TLE4: variants seen among roughly 807,000 people sequenced by gnomAD.
TLE4 encodes the protein transducin-like enhancer protein 4.
A neutral mutation model predicts 92.8 loss-of-function variants in TLE4; 8 were observed. The observed-to-expected ratio is 0.09, with a 90% CI of 0.05 to 0.16. TLE4 has a LOEUF of 0.16. Ranked by LOEUF, TLE4 falls within the 10% of genes least tolerant of loss-of-function variation. The pLI, the probability that TLE4 is intolerant of heterozygous loss-of-function variation, is 1.00. For missense variants in TLE4, 675 were observed against 997.6 expected (o/e 0.68, Z 4.36); for synonymous variants, 371 against 374.1 (o/e 0.99, Z 0.10).
chr9:79,590,754 AT>A (rs1188790067), intron 4 of TLE4, among the ~76,000 whole-genome samples: 1 of 152,090 alleles, frequency 6.6e-6, no homozygotes, highest in Non-Finnish European at 1.5e-5. Context: ...AAGATACTTG[AT>A]TTTACATTTT....
At chr9:79,573,122 A>AGGGG in intron 1 of TLE4, 1 of 620,598 alleles carries the variant, frequency 1.6e-6, no homozygotes, top group African/African-American at 1.9e-5. Context: ...CGACTCCTCG[A>AGGGG]GGGGGGGTGG....
chr9:79,655,034 C>G (rs141183889), intron 8 of TLE4, among the ~76,000 whole-genome samples: 109 of 152,256 alleles, frequency 7.2e-4, no homozygotes, highest in African/African-American at 2.5e-3. Context: ...CCCAGCTACT[C>G]AGGAGTCTGA....
At chr9:79,669,043 C>T (rs568800212) in intron 8 of TLE4, among the ~76,000 whole-genome samples, 20 of 152,260 alleles carry the variant, frequency 1.3e-4, no homozygotes, top group African/African-American at 4.8e-4. Context: ...CTTCCCCAGG[C>T]TTCATTTGTG....
intron 6 of TLE4, among the ~76,000 whole-genome samples, chr9:79,636,095 A>G (rs2055728773): frequency 6.6e-6 from 1 of 151,950 alleles, no homozygotes; most frequent in Admixed American, 6.6e-5. Flanking sequence ...CATTCTACAC[A>G]CAGCAGCCAG....
intron 5 of TLE4, among the ~76,000 whole-genome samples, chr9:79,616,187 G>A (rs986397880): frequency 7.2e-5 from 11 of 152,170 alleles, no homozygotes; most frequent in African/African-American, 2.7e-4. Flanking sequence ...CCATAAACAA[G>A]AGATGCCAGG....
At chr9:79,665,245 A>G (rs2061205321) in intron 8 of TLE4, among the ~76,000 whole-genome samples, 1 of 152,210 alleles carries the variant, frequency 6.6e-6, no homozygotes, top group African/African-American at 2.4e-5. Flanking sequence ...GTTGGTATTG[A>G]CAGATGAACT....
At chr9:79,577,478 A>C (rs1236464145) in intron 4 of TLE4, among the ~76,000 whole-genome samples, 2 of 152,236 alleles carry the variant, frequency 1.3e-5, no homozygotes, top group Non-Finnish European at 2.9e-5. Flanking sequence ...GTTGAAATTA[A>C]ATTCTTATTT....
intron 7 of TLE4, among the ~76,000 whole-genome samples, chr9:79,653,835 G>C (rs879936529): frequency 3.3e-4 from 50 of 152,146 alleles, no homozygotes; most frequent in Non-Finnish European, 6.6e-4. Context: ...AGAATGTCCA[G>C]CTTTGGTTCT....
chr9:79,679,934 C>T (rs371055926), intron 8 of TLE4, among the ~76,000 whole-genome samples: 129 of 151,638 alleles, frequency 8.5e-4, no homozygotes, highest in African/African-American at 2.4e-3. Flanking sequence ...TGTAGATATG[C>T]GGCATTATTT....
At chr9:79,685,073 T>C (rs2065552223) in intron 8 of TLE4, among the ~76,000 whole-genome samples, 1 of 152,184 alleles carries the variant, frequency 6.6e-6, no homozygotes, top group Admixed American at 6.5e-5. Context: ...ACTAGAACCG[T>C]GGCAGCCTTA....
At chr9:79,621,676 C>G (rs2051021716) in intron 5 of TLE4, among the ~76,000 whole-genome samples, 1 of 152,138 alleles carries the variant, frequency 6.6e-6, no homozygotes, top group South Asian at 2.1e-4. Context: ...CCATCCCAAT[C>G]TGCTCAGCCC....
At chr9:79,635,674 T>C (rs979245611) in intron 6 of TLE4, among the ~76,000 whole-genome samples, 38 of 152,134 alleles carry the variant, frequency 2.5e-4, no homozygotes, top group Admixed American at 2.5e-3. Context: ...GCACCATTGT[T>C]GAAAATCAAT....
chr9:79,603,797 G>A (rs774491894), intron 4 of TLE4, among the ~76,000 whole-genome samples: 5 of 152,074 alleles, frequency 3.3e-5, no homozygotes, highest in African/African-American at 4.8e-5. Flanking sequence ...CAACAAAAGC[G>A]TATTGAGTGT....
At chr9:79,573,616 A>T in intron 1 of TLE4, 73 bp from the exon 2 acceptor site, 1 of 1,278,946 alleles carries the variant, frequency 7.8e-7, no homozygotes, top group East Asian at 2.6e-5. Flanking sequence ...CTAACGCCGC[A>T]TAGTAGGTTT....
At chr9:79,707,626 T>G (rs2072034016) in intron 11 of TLE4, among the ~76,000 whole-genome samples, 1 of 152,340 alleles carries the variant, frequency 6.6e-6, no homozygotes, top group Admixed American at 6.5e-5. Context: ...ATTGTTGGTG[T>G]TGTTTTTTTA....
chr9:79,680,448 A>C (rs939731499), intron 8 of TLE4, among the ~76,000 whole-genome samples: 1 of 152,142 alleles, frequency 6.6e-6, no homozygotes, highest in Admixed American at 6.5e-5. Context: ...GGTGTATAAG[A>C]ATGCTTGTGA....
intron 4 of TLE4, among the ~76,000 whole-genome samples, chr9:79,606,187 GTTTTTTTTTTTTTTTT>G (rs71364420): frequency 5.6e-3 from 160 of 28,718 alleles, no homozygotes; most frequent in Middle Eastern, 0.077. Flanking sequence ...AGTAGTAGTT[GTTTTTTTTTTTTTTTT>G]TTTTTTTTTT....
intron 8 of TLE4, among the ~76,000 whole-genome samples, chr9:79,654,345 A>G (rs2059461645): frequency 1.3e-5 from 2 of 152,080 alleles, no homozygotes; most frequent in East Asian, 3.8e-4. Context: ...CCATGTGAAA[A>G]AAAAATAACT....
chr9:79,632,509 A>G (rs970404149), intron 6 of TLE4, among the ~76,000 whole-genome samples: 1 of 152,174 alleles, frequency 6.6e-6, no homozygotes, highest in African/African-American at 2.4e-5. Flanking sequence ...ATAGGCCTCA[A>G]GCTACTTAAG....
Sources: gnomAD v4.1 joint callset for allele counts (sites outside exome capture counted in the v4.1 genomes callset) on GRCh38, gnomAD v4.1.1 for gene constraint, MANE v1.5 for transcripts, NCBI Gene and HGNC (gene_info 2026-07-23, HGNC 2026-07-21) for gene names.